The following LIPC variants were observed in gnomAD, a reference collection of about 807,000 sequenced individuals.
LIPC encodes lipase C, hepatic type.
In LIPC, 44 loss-of-function variants were observed where a neutral mutation model predicts 50.7. The ratio of observed to expected loss-of-function variants is 0.87; its 90% CI spans 0.68 to 1.11. The LOEUF (loss-of-function observed/expected upper bound fraction) is 1.11. Ranked by LOEUF, LIPC falls within the 50% of genes most tolerant of loss-of-function variation. The pLI is 0.00. For missense variants in LIPC, 697 were observed against 648.2 expected (o/e 1.08, Z -0.82); for synonymous variants, 271 against 256.4 (o/e 1.06, Z -0.54).
intron 1 of LIPC, among the ~76,000 whole-genome samples, chr15:58,464,781 T>C (rs1894479918): frequency 6.6e-6 from 1 of 152,174 alleles, no homozygotes; most frequent in South Asian, 2.1e-4. Flanking sequence ...AAAACTAGCT[T>C]GGGCAACATG....
chr15:58,442,221 T>C (rs1477068448), intron 1 of LIPC, among the ~76,000 whole-genome samples: 1 of 152,218 alleles, frequency 6.6e-6, no homozygotes, highest in African/African-American at 2.4e-5. Flanking sequence ...CCAGGAGATC[T>C]GCAGTGGTGA....
At chr15:58,460,893 T>G (rs1894322957) in intron 1 of LIPC, among the ~76,000 whole-genome samples, 1 of 152,186 alleles carries the variant, frequency 6.6e-6, no homozygotes, top group Admixed American at 6.5e-5. Flanking sequence ...AAGAGGACAA[T>G]GGGCCAGATT....
intron 1 of LIPC, among the ~76,000 whole-genome samples, chr15:58,434,468 C>T (rs1019801775): frequency 4.2e-4 from 64 of 152,126 alleles, no homozygotes; most frequent in African/African-American, 1.4e-3. Context: ...GCCTTGCCGG[C>T]GGTCGCATAG....
intron 1 of LIPC, among the ~76,000 whole-genome samples, chr15:58,457,000 A>G (rs1322453089): frequency 6.6e-6 from 1 of 152,256 alleles, no homozygotes; most frequent in African/African-American, 2.4e-5. Flanking sequence ...TCCAGCAGAG[A>G]TGATGCCCAG....
intron 1 of LIPC, among the ~76,000 whole-genome samples, chr15:58,456,805 G>A (rs1226352102): frequency 6.6e-6 from 1 of 152,242 alleles, no homozygotes; most frequent in Non-Finnish European, 1.5e-5. Context: ...CTTCACCACT[G>A]CTGTTTTCCC....
At chr15:58,484,488 G>A (rs1891297347) in intron 1 of LIPC, among the ~76,000 whole-genome samples, 1 of 152,220 alleles carries the variant, frequency 6.6e-6, no homozygotes, top group South Asian at 2.1e-4. Flanking sequence ...CACCTACTAT[G>A]GGCCAGGCAT....
At chr15:58,547,919 C>T (rs1893593550) in intron 5 of LIPC, among the ~76,000 whole-genome samples, 1 of 152,118 alleles carries the variant, frequency 6.6e-6, no homozygotes, top group Admixed American at 6.5e-5. Flanking sequence ...TTCCAGAAAA[C>T]CCACCCTCCA....
chr15:58,547,968 G>C (rs2140926562), intron 5 of LIPC, among the ~76,000 whole-genome samples: 1 of 152,306 alleles, frequency 6.6e-6, no homozygotes, highest in African/African-American at 2.4e-5. Context: ...TCTCATTTGA[G>C]ATAGAAATAT....
chr15:58,433,763 T>C (rs545548107), intron 1 of LIPC, among the ~76,000 whole-genome samples: 25 of 152,304 alleles, frequency 1.6e-4, no homozygotes, highest in Admixed American at 7.8e-4. Context: ...CCTGCTTCTT[T>C]CCCCGGGGCC....
At chr15:58,565,193 T>A (rs1356410225) in intron 8 of LIPC, 18 of 1,535,584 alleles carry the variant, frequency 1.2e-5, no homozygotes, top group Admixed American at 2.0e-5. Context: ...CCCAACAGGA[T>A]CAATCTGGGA....
intron 1 of LIPC, among the ~76,000 whole-genome samples, chr15:58,445,753 A>T (rs1189888356): frequency 7.2e-5 from 11 of 152,198 alleles, no homozygotes; most frequent in Non-Finnish European, 1.6e-4. Flanking sequence ...GACCTCGGTC[A>T]GTCATTAGTA....
At position 58,560,844 on chromosome 15, in the gene LIPC, C is replaced by A. The variant is rs751459354; in HGVS notation, c.1052-20C>A. ...CTGCTTAAATTATCTCTCTCTTTCT[C>A]TCTCTGTCTCTCTCTCTAGTTTATC... is the stretch of plus-strand genomic sequence containing the variant. On this transcript the variant is annotated intron_variant, in intron 6 of 8. Coordinates refer to ENST00000299022, the MANE Select transcript of LIPC (RefSeq NM_000236.3). The A allele has an allele frequency of 2.2e-6, 2 of 901,410 alleles. No homozygotes were observed. Among genetic ancestry groups the A allele is most frequent in the African/African-American group, 3.2e-5 (2 of 62,382 alleles). The allele number at this position is 901,410 out of a possible 1,614,324, so 55.8% of individuals were successfully genotyped here.
chr15:58,432,069 G>C lies in LIPC; in HGVS notation c.37G>C (p.Val13Leu). 2 of 1,614,088 alleles carry C rather than the reference G, an allele frequency of 1.2e-6. No individual in the cohort carries two copies. The highest frequency in any genetic ancestry group is 2.2e-5 in the East Asian group (1 of 44,880). ...TCCCCTGTGTTTCTCCATTCTGTTG[G>C]TTTTATGCATCTTTATCCAATCAAG... The part of the protein sequence containing the change: ...TSPLCFSILL[V>L]LCIFIQSSAL... The change falls in exon 1 of 9, where the codon GTT (valine) becomes CTT (leucine). Residue 13 changes from valine to leucine, a missense_variant. By Grantham distance (32) the Val-to-Leu change is conservative. Transcript: ENST00000299022.
At chr15:58,493,475 A>G (rs1891653488) in intron 1 of LIPC, among the ~76,000 whole-genome samples, 2 of 151,278 alleles carry the variant, frequency 1.3e-5, no homozygotes, top group African/African-American at 4.9e-5. Context: ...TTTAAAATAT[A>G]TATATATTTT....
At chr15:58,532,555 G>A (rs184974220) in intron 1 of LIPC, among the ~76,000 whole-genome samples, 2 of 152,332 alleles carry the variant, frequency 1.3e-5, no homozygotes, top group Admixed American at 6.5e-5. Context: ...AATAATGCAT[G>A]TTGTATGAAA....
intron 1 of LIPC, among the ~76,000 whole-genome samples, chr15:58,525,735 T>C (rs1198186208): frequency 2.6e-5 from 4 of 152,220 alleles, no homozygotes; most frequent in African/African-American, 9.6e-5. Flanking sequence ...CCAATCTGTT[T>C]AAATGAGGGT....
chr15:58,480,973 G>A (rs560319660), intron 1 of LIPC, among the ~76,000 whole-genome samples: 2 of 152,232 alleles, frequency 1.3e-5, no homozygotes, highest in East Asian at 3.9e-4. Flanking sequence ...CCCTAGTCAA[G>A]AGCATGGCAC....
chr15:58,482,159 A>C (rs1319152200), intron 1 of LIPC, among the ~76,000 whole-genome samples: 1 of 152,218 alleles, frequency 6.6e-6, no homozygotes, highest in African/African-American at 2.4e-5. Context: ...CATGAAAGGT[A>C]CAAAATGGTA....
At chr15:58,500,994 C>T (rs895391869) in intron 1 of LIPC, among the ~76,000 whole-genome samples, 1 of 152,172 alleles carries the variant, frequency 6.6e-6, no homozygotes, top group Non-Finnish European at 1.5e-5. Context: ...TTACCATTCT[C>T]GCAGCCAATC....
Sources: gnomAD v4.1 joint callset for allele counts (sites outside exome capture counted in the v4.1 genomes callset) on GRCh38, gnomAD v4.1.1 for gene constraint, MANE v1.5 for transcripts, NCBI Gene and HGNC (gene_info 2026-07-23, HGNC 2026-07-21) for gene names.